The following PRELP variants were observed in gnomAD, a reference collection of about 807,000 sequenced individuals.
The protein encoded by PRELP is proline and arginine rich end leucine rich repeat protein.
A neutral mutation model predicts 22.8 loss-of-function variants in PRELP; 16 were observed. The observed-to-expected ratio is 0.70, with a 90% CI of 0.47 to 1.06. PRELP has a LOEUF of 1.06. Among genes scored for constraint, PRELP ranks in the 50% least tolerant of loss-of-function variants. PRELP has a pLI of 0.00. For synonymous variants in PRELP, 233 were observed against 211.4 expected, an observed-to-expected ratio of 1.10 and a Z score of -0.89; for missense variants, 434 against 485.2, an observed-to-expected ratio of 0.89 and a Z score of 0.99.
chr1:203,476,553 A>G (rs1660914117), intron 1 of PRELP, among the ~76,000 whole-genome samples: 1 of 152,192 alleles, frequency 6.6e-6, no homozygotes, highest in Non-Finnish European at 1.5e-5. Flanking sequence ...ACGTTTTCCC[A>G]CTGAGATGGC....
Position 203,483,814 on chromosome 1 carries a change from C to G in PRELP, c.630C>G (p.Gly210=). Residue 210 remains glycine, a synonymous_variant, in exon 2 of 3, where the codon GGC becomes GGG. Transcript: ENST00000343110. The surrounding 1 kb of genome is among the most constrained non-coding windows in gnomAD (Gnocchi z 4.4). ...LDLQHNRLSD[G]VFKPDTFHGL... ...TCCAGCACAACAGGCTGAGCGACGG[C>G]GTCTTCAAGCCCGACACCTTCCATG... 1.2e-6 allele frequency: 2 copies of G among 1,614,158 alleles called. No individual in the cohort carries two copies. Among genetic ancestry groups the G allele is most frequent in the Non-Finnish European group, 1.7e-6 (2 of 1,179,990 alleles).
At position 203,490,302 on chromosome 1, in the gene PRELP, C is replaced by A. The variant is rs1315450030; in HGVS notation, c.*3421C>A. Reference sequence around the variant, plus strand: ...TCTTGAAGAATTTCTCGCAAACTCACAACCCTCATGAAAAATTAATCCTCA... The same window carrying A: ...TCTTGAAGAATTTCTCGCAAACTCAAAACCCTCATGAAAAATTAATCCTCA... On this transcript the variant is annotated 3_prime_UTR_variant, in exon 3 of 3. Transcript: ENST00000343110. 6.6e-6 allele frequency: 1 copy of A among 152,158 alleles called. No individual in the cohort carries two copies. Among genetic ancestry groups the A allele is most frequent in the Non-Finnish European group, 1.5e-5 (1 of 68,038 alleles). 9.4% of individuals were successfully genotyped at this position (152,158 alleles called of 1,614,324 possible). A position where few individuals can be genotyped will look rare whatever the true frequency, so the allele number is the denominator to read the frequency against.
chr1:203,483,828 A>T lies in PRELP; in HGVS notation c.644A>T (p.Asp215Val). ...NRLSDGVFKP[D>V]TFHGLKNLMQ... ...CTGAGCGACGGCGTCTTCAAGCCCG[A>T]CACCTTCCATGGCCTCAAGAACCTC... The change falls in exon 2 of 3, where the codon GAC (aspartate) becomes GTC (valine). Residue 215 changes from aspartate to valine, a missense_variant. Transcript: ENST00000343110. This position sits in a 1 kb window ranked among gnomAD's most constrained non-coding sequence, Gnocchi z 4.4. 1 of 1,614,094 alleles carries T rather than the reference A, an allele frequency of 6.2e-7. No individual in the cohort carries two copies. The highest frequency in any genetic ancestry group is 2.2e-5 in the East Asian group (1 of 44,878).
In PRELP at chr1:203,487,301, T is replaced by G; in HGVS notation, c.*420T>G. 6.4e-6 allele frequency: 1 copy of G among 155,246 alleles called. No homozygotes were observed. The highest frequency in any genetic ancestry group is 2.1e-4 in the South Asian group (1 of 4,864). The allele number at this position is 155,246 out of a possible 1,614,324, so 9.6% of individuals were successfully genotyped here. On this transcript the variant is annotated 3_prime_UTR_variant, in exon 3 of 3. Coordinates refer to ENST00000343110, the MANE Select transcript of PRELP (RefSeq NM_002725.4). ...AAGTCCCCCTGGGGACTCCTCCATC[T>G]TCGGCAGCTCTGGCTCAAAGAGGCC...
At chr1:203,481,655 C>T (rs1661002025) in intron 1 of PRELP, among the ~76,000 whole-genome samples, 1 of 152,132 alleles carries the variant, frequency 6.6e-6, no homozygotes, top group African/African-American at 2.4e-5. Context: ...CCTTCCCTTC[C>T]GCCTTCCTTC....
Position 203,486,718 on chromosome 1 carries a change from C to G in PRELP, c.986C>G (p.Thr329Ser). The change falls in exon 3 of 3, where the codon ACC becomes AGC. Residue 329 changes from threonine (T) to serine (S), a missense_variant. Transcript: ENST00000343110. ...NNNSIEKINGTQICPNDLVAF... is the reference protein window; with the variant it reads ...NNNSIEKINGSQICPNDLVAF... Reference sequence around the variant, plus strand: ...TCTTTTTCCGTAGAAATCAACGGAACCCAGATTTGCCCCAACGACCTAGTG... The same window carrying G: ...TCTTTTTCCGTAGAAATCAACGGAAGCCAGATTTGCCCCAACGACCTAGTG... 6.2e-7 allele frequency: 1 copy of G among 1,610,794 alleles called. No individual in the cohort carries two copies. The highest frequency in any genetic ancestry group is 8.5e-7 in the Non-Finnish European group (1 of 1,177,170).
chr1:203,482,282 C>CT (rs60629021), intron 1 of PRELP, among the ~76,000 whole-genome samples: 44,568 of 145,572 alleles, frequency 0.31, 6,562 homozygotes, highest in Non-Finnish European at 0.31. Flanking sequence ...TTCTTTCTTT[C>CT]TTTTTTTTTT....
chr1:203,482,578 A>T (rs1308471919), intron 1 of PRELP, among the ~76,000 whole-genome samples: 4 of 126,324 alleles, frequency 3.2e-5, no homozygotes, highest in Non-Finnish European at 6.4e-5. Flanking sequence ...CTGTCCCACC[A>T]GCCCCAATGT....
intron 2 of PRELP, among the ~76,000 whole-genome samples, chr1:203,485,731 G>A (rs1041832061): frequency 1.3e-5 from 2 of 150,330 alleles, no homozygotes; most frequent in Non-Finnish European, 3.0e-5. Context: ...CAATTACAAT[G>A]AAGATGATGC....
intron 2 of PRELP, among the ~76,000 whole-genome samples, chr1:203,484,379 T>A (rs1045534936): frequency 3.9e-5 from 6 of 152,250 alleles, no homozygotes; most frequent in African/African-American, 1.2e-4. Flanking sequence ...GGTAACAATA[T>A]CTTCTATCAC....
intron 1 of PRELP, among the ~76,000 whole-genome samples, chr1:203,479,369 T>C (rs2102205487): frequency 6.6e-6 from 1 of 152,214 alleles, no homozygotes; most frequent in African/African-American, 2.4e-5. Context: ...TAACATTAAA[T>C]TAATGAGAGA....
chr1:203,486,729 C>G lies in PRELP; in HGVS notation c.997C>G (p.Pro333Ala). The change falls in exon 3 of 3, where the codon CCC becomes GCC. Residue 333 changes from proline to alanine, a missense_variant. Physicochemically the swap from Pro to Ala is conservative, Grantham distance 27. Transcript: ENST00000343110. ...IEKINGTQIC[P>A]NDLVAFHDFS... ...AGAAATCAACGGAACCCAGATTTGC[C>G]CCAACGACCTAGTGGCGTTCCATGA... is the stretch of plus-strand genomic sequence containing the variant. 6.2e-7 allele frequency: 1 copy of G among 1,612,792 alleles called. No homozygotes were observed. Among genetic ancestry groups the G allele is most frequent in the South Asian group, 1.1e-5 (1 of 91,058 alleles).
At position 203,486,831 on chromosome 1, in the gene PRELP, C is replaced by T. The variant is rs760921728; in HGVS notation, c.1099C>T (p.Pro367Ser). ...LDGNYLKPPI[P>S]LDLMMCFRLL... ...TGGAAACTACTTGAAGCCGCCCATC[C>T]CGCTGGACCTCATGATGTGCTTCCG... The change falls in exon 3 of 3, where the codon CCG (proline) becomes TCG (serine). Residue 367 changes from proline to serine, a missense_variant. Physicochemically the swap from Pro to Ser is moderately conservative, Grantham distance 74 (BLOSUM62 -1). Transcript: ENST00000343110. The T allele has an allele frequency of 5.6e-6, 9 of 1,614,220 alleles. No individual in the cohort carries two copies. The highest frequency in any genetic ancestry group is 2.2e-5 in the East Asian group (1 of 44,888).
chr1:203,486,634 TCCCC>T, intron 2 of PRELP, 68 bp from the exon 3 acceptor site: 1 of 1,441,586 alleles, frequency 6.9e-7, no homozygotes, highest in African/African-American at 1.4e-5. Flanking sequence ...TCGGGTGTCT[TCCCC>T]CTTCCCCTTC....
chr1:203,486,733 A>G lies in PRELP; in HGVS notation c.1001A>G (p.Asn334Ser), dbSNP rs2233732. 7.0e-3 allele frequency: 11,317 copies of G among 1,612,882 alleles called. 91 individuals carry two copies. The highest frequency in any genetic ancestry group is 0.027 in the South Asian group (2,454 of 91,052). Residue 334 changes from asparagine to serine, a missense_variant, in exon 3 of 3, where the codon AAC becomes AGC. Asn to Ser is a conservative substitution (Grantham distance 46, BLOSUM62 1). Transcript: ENST00000343110. ...EKINGTQICP[N>S]DLVAFHDFSS... ...ATCAACGGAACCCAGATTTGCCCCA[A>G]CGACCTAGTGGCGTTCCATGACTTC... is the stretch of plus-strand genomic sequence containing the variant.
Position 203,489,443 on chromosome 1 carries a change from C to G in PRELP, c.*2562C>G, listed in dbSNP as rs1033838774. On this transcript the variant is annotated 3_prime_UTR_variant, in exon 3 of 3. Coordinates refer to ENST00000343110, the MANE Select transcript of PRELP (RefSeq NM_002725.4). Reference sequence around the variant, plus strand: ...TAAAAAAAGCCCCCTTCTCCATGCACAAGTTCATTCCCTCCATGCTGTCGT... The same window carrying G: ...TAAAAAAAGCCCCCTTCTCCATGCAGAAGTTCATTCCCTCCATGCTGTCGT... 2 of 152,380 alleles carry G rather than the reference C, an allele frequency of 1.3e-5. No homozygotes were observed. Among genetic ancestry groups the G allele is most frequent in the African/African-American group, 2.4e-5 (1 of 41,572 alleles). The allele number at this position is 152,380 out of a possible 1,614,324, so 9.4% of individuals were successfully genotyped here. A position where few individuals can be genotyped will look rare whatever the true frequency, so the allele number is the denominator to read the frequency against.
intron 2 of PRELP, among the ~76,000 whole-genome samples, 167 bp from the exon 3 acceptor site, chr1:203,486,539 T>A (rs1359920441): frequency 1.3e-5 from 2 of 152,246 alleles, no homozygotes; most frequent in African/African-American, 4.8e-5. Flanking sequence ...ATGAGTAAAC[T>A]GAGCCTGGAG....
chr1:203,477,789 G>A (rs536916097), intron 1 of PRELP, among the ~76,000 whole-genome samples: 19 of 152,316 alleles, frequency 1.2e-4, no homozygotes, highest in Non-Finnish European at 2.4e-4. Flanking sequence ...AGGCAGACTT[G>A]CACCTTCTGT....
At chr1:203,476,497 C>T (rs771813789) in intron 1 of PRELP, among the ~76,000 whole-genome samples, 4 of 152,184 alleles carry the variant, frequency 2.6e-5, no homozygotes, top group Admixed American at 2.6e-4. Context: ...TCTTGTCTCT[C>T]GCCCTCTCAC....
Sources: allele counts gnomAD v4.1 joint callset (sites outside exome capture counted in the v4.1 genomes callset), GRCh38; gene constraint gnomAD v4.1.1; non-coding constraint Gnocchi (gnomAD v3.1); transcripts MANE v1.5; gene names NCBI Gene and HGNC (gene_info 2026-07-23, HGNC 2026-07-21).